The following TRAPPC9 variants were observed in gnomAD, a reference collection of about 807,000 sequenced individuals.
The protein encoded by TRAPPC9 is IKK2 binding protein.
A neutral mutation model predicts 124.0 loss-of-function variants in TRAPPC9; 83 were observed. The ratio of observed to expected loss-of-function variants is 0.67; its 90% CI spans 0.56 to 0.80. The LOEUF (loss-of-function observed/expected upper bound fraction) is 0.80, where lower values mean the gene tolerates loss of function less well. Among genes scored for constraint, TRAPPC9 ranks in the 30% least tolerant of loss-of-function variants. The pLI is 0.00. For missense variants in TRAPPC9, 1,302 were observed against 1,508.3 expected (o/e 0.86, Z 2.27); for synonymous variants, 638 against 617.5 (o/e 1.03, Z -0.49).
intron 9 of TRAPPC9, among the ~76,000 whole-genome samples, chr8:140,348,240 C>A (rs2067410043): frequency 6.6e-6 from 1 of 152,276 alleles, no homozygotes; most frequent in Admixed American, 6.5e-5. Flanking sequence ...ACCATCTGCC[C>A]CATCAAATCC....
At position 140,221,560 on chromosome 8, in the gene TRAPPC9, GA is replaced by G; in HGVS notation, c.2454del (p.Leu820CysfsTer18). 1 of 1,614,102 alleles carries G rather than the reference GA, an allele frequency of 6.2e-7. No individual in the cohort carries two copies. The highest frequency in any genetic ancestry group is 8.5e-7 in the Non-Finnish European group (1 of 1,179,964). On this transcript the variant is annotated frameshift_variant, in exon 17 of 23. Transcript: ENST00000438773. LOFTEE classifies it high-confidence loss of function. ...LSDDGISVSGFPLSSPFRQVV... is the reference protein window; with the variant it reads ...LSDDGISVSGXPLSSPFRQVV... ...ACCTGCCGAAAAGGACTGGACAGGG[GA>G]AAGCCACTCACACTGATTCCATCTA...
intron 18 of TRAPPC9, among the ~76,000 whole-genome samples, chr8:140,015,346 A>C (rs2131871425): frequency 6.6e-6 from 1 of 152,318 alleles, no homozygotes; most frequent in African/African-American, 2.4e-5. Flanking sequence ...GATGCATATA[A>C]CTCTAACATG....
In TRAPPC9 at chr8:140,070,190, G is replaced by A. The variant is rs529378102; in HGVS notation, c.2557-46111C>T. On this transcript the variant is annotated intron_variant, in intron 17 of 22. Transcript: ENST00000438773. ...CACGAGGGGCACTGAAGTTGTTCTC[G>A]TATTTGCTAATACAAATACACTTGG... is the stretch of plus-strand genomic sequence containing the variant. 8.5e-5 allele frequency among the ~76,000 whole-genome samples: 13 copies of A among 152,278 alleles called. No individual in the cohort carries two copies. The East Asian group carries it at 1.2e-3, about 14-fold the overall frequency.
At chr8:140,336,309 T>C (rs2067038353) in intron 9 of TRAPPC9, among the ~76,000 whole-genome samples, 1 of 152,188 alleles carries the variant, frequency 6.6e-6, no homozygotes, top group South Asian at 2.1e-4. Context: ...CTACTGTGTA[T>C]AGTCTGTGGC....
intron 1 of TRAPPC9, among the ~76,000 whole-genome samples, chr8:140,453,864 G>T (rs574259361): frequency 6.6e-6 from 1 of 152,204 alleles, no homozygotes; most frequent in Non-Finnish European, 1.5e-5. Context: ...AATACTGAGC[G>T]GGGGAGACTG....
chr8:140,046,053 G>C (rs556114640), intron 17 of TRAPPC9, among the ~76,000 whole-genome samples: 4 of 152,130 alleles, frequency 2.6e-5, no homozygotes, highest in Non-Finnish European at 5.9e-5. Context: ...GGGAGGATGG[G>C]ACTCCTGTGA....
At chr8:140,356,722 G>A (rs1387195740) in intron 9 of TRAPPC9, among the ~76,000 whole-genome samples, 1 of 151,164 alleles carries the variant, frequency 6.6e-6, no homozygotes, top group Non-Finnish European at 1.5e-5. Flanking sequence ...CGATTCTCCT[G>A]CCTCAGCCTC....
intron 19 of TRAPPC9, among the ~76,000 whole-genome samples, chr8:139,936,664 G>A (rs1323135293): frequency 6.6e-6 from 1 of 152,216 alleles, no homozygotes; most frequent in Non-Finnish European, 1.5e-5. Context: ...GAGAGAATGG[G>A]GGAGCGGGCA....
At chr8:140,296,546 G>A (rs1030625564) in intron 11 of TRAPPC9, among the ~76,000 whole-genome samples, 9 of 152,220 alleles carry the variant, frequency 5.9e-5, no homozygotes, top group Non-Finnish European at 1.3e-4. Flanking sequence ...GATTACAGGC[G>A]TGGGCCACCA....
chr8:140,084,519 T>G (rs1844058280), intron 17 of TRAPPC9, among the ~76,000 whole-genome samples: 1 of 152,216 alleles, frequency 6.6e-6, no homozygotes, highest in South Asian at 2.1e-4. Flanking sequence ...AGGGCCTTCA[T>G]GATCTGACCC....
At chr8:139,882,047 C>T (rs537805356) in intron 21 of TRAPPC9, among the ~76,000 whole-genome samples, 2 of 152,182 alleles carry the variant, frequency 1.3e-5, no homozygotes, top group African/African-American at 2.4e-5. Flanking sequence ...TCAAGGAGAG[C>T]CCCTTGTGAG....
chr8:140,122,023 T>TTCTCTCTCTCTCTCTC (rs533446141), intron 17 of TRAPPC9, among the ~76,000 whole-genome samples: 3 of 138,426 alleles, frequency 2.2e-5, no homozygotes, highest in Admixed American at 7.2e-5. Flanking sequence ...CTTTCTTTCT[T>TTCTCTCTCTCTCTCTC]TCTCTCTCTC....
intron 16 of TRAPPC9, among the ~76,000 whole-genome samples, chr8:140,234,647 G>A (rs2063686682): frequency 6.6e-6 from 1 of 152,232 alleles, no homozygotes; most frequent in East Asian, 1.9e-4. Flanking sequence ...AATTGTGTAA[G>A]TCCTGTTACC....
intron 19 of TRAPPC9, among the ~76,000 whole-genome samples, chr8:139,958,878 A>AGAGCACTCCATTCCGAGTCACACAGAG (rs1835168994): frequency 7.3e-6 from 1 of 136,876 alleles, no homozygotes. Flanking sequence ...AGCCTGACAC[A>AGAGCACTCCATTCCGAGTCACACAGAG]GAGCACTGCA....
At chr8:140,190,912 C>T (rs960881299) in intron 17 of TRAPPC9, among the ~76,000 whole-genome samples, 2 of 152,184 alleles carry the variant, frequency 1.3e-5, no homozygotes, top group African/African-American at 4.8e-5. Context: ...TGCCACCAAA[C>T]AGATGCTGCA....
intron 21 of TRAPPC9, among the ~76,000 whole-genome samples, chr8:139,843,584 C>T (rs10100424): frequency 0.23 from 34,346 of 152,126 alleles, 4,583 homozygotes; most frequent in East Asian, 0.65. Flanking sequence ...GTGAGCCCCA[C>T]GTAATCACCA....
At chr8:139,870,293 G>GC (rs1828816633) in intron 21 of TRAPPC9, among the ~76,000 whole-genome samples, 1 of 152,194 alleles carries the variant, frequency 6.6e-6, no homozygotes, top group Non-Finnish European at 1.5e-5. Context: ...TAAAGCAAAT[G>GC]AGACCATGAA....
chr8:139,861,404 G>GT (rs1337867513), intron 21 of TRAPPC9, among the ~76,000 whole-genome samples: 1 of 152,166 alleles, frequency 6.6e-6, no homozygotes, highest in Non-Finnish European at 1.5e-5. Flanking sequence ...TTAGGAACAG[G>GT]TAACTAAAGG....
chr8:140,326,710 T>C (rs2066747192), intron 9 of TRAPPC9, among the ~76,000 whole-genome samples: 1 of 151,536 alleles, frequency 6.6e-6, no homozygotes. Context: ...TTGTCTCTAA[T>C]AAAATTCAAA....
Sources: gnomAD v4.1 joint callset for allele counts (sites outside exome capture counted in the v4.1 genomes callset) on GRCh38, gnomAD v4.1.1 for gene constraint, MANE v1.5 for transcripts, NCBI Gene and HGNC (gene_info 2026-07-23, HGNC 2026-07-21) for gene names.